Variants in ANKRD7 observed in about 807,000 individuals in gnomAD.
The protein encoded by ANKRD7 is ankyrin repeat domain 7.
ANKRD7 carries 30 observed loss-of-function variants against 30.8 expected under a neutral mutation model. The observed-to-expected ratio is 0.97, with a 90% CI of 0.73 to 1.32. The LOEUF is 1.32. ANKRD7 is among the 40% of genes most tolerant of loss of function. The pLI, the probability that ANKRD7 is intolerant of heterozygous loss-of-function variation, is 0.00. For missense variants in ANKRD7, 264 were observed against 295.7 expected (o/e 0.89, Z 0.79); for synonymous variants, 97 against 106.6 (o/e 0.91, Z 0.55).
chr7:118,234,119 T>C lies in ANKRD7; in HGVS notation c.180-312T>C, dbSNP rs563547038. ...TAAATATAATTTCTAAATTTTATGG[T>C]GATACCTAACTTTATTATCTTTTCC... On this transcript the variant is annotated intron_variant, in intron 1 of 6. Transcript: ENST00000265224. Among the ~76,000 whole-genome samples, 14 of 152,306 alleles carry C rather than the reference T, an allele frequency of 9.2e-5. 1 individual carries two copies. In the South Asian group the frequency reaches 2.7e-3, roughly 29 times the overall value.
At chr7:118,236,290 C>T (rs1268189607) in intron 4 of ANKRD7, 143 bp downstream of exon 4, 6 of 505,592 alleles carry the variant, frequency 1.2e-5, no homozygotes, top group Admixed American at 3.8e-5. Flanking sequence ...CCATAAGACC[C>T]GTAGGATGTA....
intron 3 of ANKRD7, 38 bp from the exon 4 acceptor site, chr7:118,236,003 G>T: frequency 8.8e-7 from 1 of 1,131,700 alleles, no homozygotes; most frequent in Non-Finnish European, 1.3e-6. Flanking sequence ...ATGAAAATTT[G>T]CTACAATATT....
In ANKRD7 at chr7:118,234,683, CT is replaced by C. The variant is rs779042455; in HGVS notation, c.295-17del. 145 of 1,596,808 alleles carry C rather than the reference CT, an allele frequency of 9.1e-5. No individual in the cohort carries two copies. The highest frequency in any genetic ancestry group is 1.2e-4 in the Non-Finnish European group (138 of 1,173,592). On this transcript the variant is annotated splice_polypyrimidine_tract_variant and intron_variant, in intron 2 of 6. Coordinates refer to ENST00000265224, the MANE Select transcript of ANKRD7 (RefSeq NM_019644.4). ...AAGTAGTAAATTGGTTACTCATCTA[CT>C]CTTGTTGCATTAACAGGCAGTACAG...
chr7:118,234,377 A>C (rs570232114), intron 1 of ANKRD7, 54 bp from the exon 2 acceptor site: 11 of 1,260,678 alleles, frequency 8.7e-6, no homozygotes, highest in Middle Eastern at 2.2e-4. Context: ...TAAAACAAGT[A>C]ACTTCTCAAA....
chr7:118,226,596 A>G lies in ANKRD7; in HGVS notation c.179+1587A>G, dbSNP rs183982030. ...ATTTACTGTTAAGTTGAAGTGGATC[A>G]TCATAAAGTTCTTCATCCTGTTTTC... is the stretch of plus-strand genomic sequence containing the variant. On this transcript the variant is annotated intron_variant, in intron 1 of 6. Coordinates refer to ENST00000265224, the MANE Select transcript of ANKRD7 (RefSeq NM_019644.4). 2.5e-3 allele frequency among the ~76,000 whole-genome samples: 388 copies of G among 152,342 alleles called. 2 individuals are homozygous for G. Among genetic ancestry groups the G allele is most frequent in the African/African-American group, 8.9e-3 (370 of 41,582 alleles).
Position 118,224,891 on chromosome 7 carries a change from C to A in ANKRD7, c.61C>A (p.Leu21Ile). ...KNETRSQGYN[L>I]REKDLKKLHR... Reference sequence around the variant, plus strand: ...TGAGACCCGCAGCCAGGGCTACAACCTTCGAGAAAAGGATTTAAAGAAACT... The same window carrying A: ...TGAGACCCGCAGCCAGGGCTACAACATTCGAGAAAAGGATTTAAAGAAACT... The change falls in exon 1 of 7, where the codon CTT becomes ATT. Residue 21 changes from leucine to isoleucine, a missense_variant. Physicochemically the swap from Leu to Ile is conservative, Grantham distance 5 (BLOSUM62 2). Coordinates refer to ENST00000265224, the MANE Select transcript of ANKRD7 (RefSeq NM_019644.4). 1 of 1,614,208 alleles carries A rather than the reference C, an allele frequency of 6.2e-7. No individual in the cohort carries two copies. Among genetic ancestry groups the A allele is most frequent in the South Asian group, 1.1e-5 (1 of 91,088 alleles).
At chr7:118,229,766 A>G (rs1364943417) in intron 1 of ANKRD7, among the ~76,000 whole-genome samples, 3 of 152,142 alleles carry the variant, frequency 2.0e-5, no homozygotes, top group Admixed American at 2.0e-4. Context: ...ATGAACATAG[A>G]CACAGAAATC....
chr7:118,239,441 CTCTAA>C (rs532295144), intron 5 of ANKRD7, among the ~76,000 whole-genome samples: 219 of 152,272 alleles, frequency 1.4e-3, no homozygotes, highest in Non-Finnish European at 1.9e-3. Context: ...GGTTGGGGAT[CTCTAA>C]TCTAAAGAAC....
chr7:118,234,344 G>A, intron 1 of ANKRD7, 87 bp from the exon 2 acceptor site: 2 of 737,214 alleles, frequency 2.7e-6, no homozygotes, highest in Middle Eastern at 3.4e-4. Context: ...CCTTACCAAT[G>A]TACAATCTGG....
At position 118,234,328 on chromosome 7, in the gene ANKRD7, C is replaced by G. The variant is rs529789790; in HGVS notation, c.180-103C>G. The G allele has an allele frequency of 1.6e-3, 953 of 594,056 alleles. 4 individuals carry two copies. The highest frequency in any genetic ancestry group is 2.6e-3 in the Non-Finnish European group (877 of 342,026). The allele number at this position is 594,056 out of a possible 1,614,324, so 36.8% of individuals were successfully genotyped here. On this transcript the variant is annotated intron_variant, in intron 1 of 6. Transcript: ENST00000265224. ...TTTAAATAGAAATATGTGCATGAAG[C>G]AAGTACCTTACCAATGTACAATCTG...
intron 1 of ANKRD7, 53 bp downstream of exon 1, chr7:118,225,062 C>G (rs1809518081): frequency 1.3e-6 from 2 of 1,591,330 alleles, no homozygotes; most frequent in Admixed American, 1.8e-5. Flanking sequence ...CTGGGTCGTT[C>G]AACCAGAAAT....
chr7:118,238,816 C>T (rs574647932), intron 5 of ANKRD7, among the ~76,000 whole-genome samples: 1 of 152,266 alleles, frequency 6.6e-6, no homozygotes, highest in African/African-American at 2.4e-5. Context: ...ATTGTCTTCA[C>T]TTTGTTAATT....
chr7:118,224,791 A>C lies in ANKRD7; in HGVS notation c.-40A>C, dbSNP rs1290054625. ...AGGGCGGACGGCTAGGAGTTCAAGAAACATCCTGGTCTGAGGGAAAGGCTG... is the reference window on the plus strand; with the variant it reads ...AGGGCGGACGGCTAGGAGTTCAAGACACATCCTGGTCTGAGGGAAAGGCTG... On this transcript the variant is annotated 5_prime_UTR_variant, in exon 1 of 7. Coordinates refer to ENST00000265224, the MANE Select transcript of ANKRD7 (RefSeq NM_019644.4). 2.5e-6 allele frequency: 4 copies of C among 1,581,516 alleles called. No homozygotes were observed. The highest frequency in any genetic ancestry group is 3.4e-6 in the Non-Finnish European group (4 of 1,167,114).
rs1809797642 is a variant in ANKRD7, at chr7:118,239,961, G to C, written c.765G>C (p.Ter255TyrextTer9). 2 of 1,592,028 alleles carry C rather than the reference G, an allele frequency of 1.3e-6. No homozygotes were observed. Among genetic ancestry groups the C allele is most frequent in the Non-Finnish European group, 8.6e-7 (1 of 1,166,544 alleles). Reference sequence around the variant, plus strand: ...ATGGAAAGAAGAAACATGCTAAATAGACACCTTATTCTTGGCACTACATGT... The same window carrying C: ...ATGGAAAGAAGAAACATGCTAAATACACACCTTATTCTTGGCACTACATGT... Reference protein sequence around the residue: ...ASHGKKKHAK* With the variant: ...ASHGKKKHAKY The change falls in exon 6 of 7, where the codon TAG becomes TAC. Residue 255 changes from the stop codon to tyrosine (Y), a stop_lost. Transcript: ENST00000265224.
At chr7:118,230,996 AG>A (rs1355850461) in intron 1 of ANKRD7, among the ~76,000 whole-genome samples, 1 of 152,066 alleles carries the variant, frequency 6.6e-6, no homozygotes, top group African/African-American at 2.4e-5. Context: ...AAAGAAAAAA[AG>A]GGACAGAGGA....
intron 1 of ANKRD7, among the ~76,000 whole-genome samples, chr7:118,232,516 A>G (rs904850322): frequency 6.6e-6 from 1 of 152,102 alleles, no homozygotes; most frequent in African/African-American, 2.4e-5. Flanking sequence ...GGAATCTTTC[A>G]TGGCTATTTT....
chr7:118,237,883 A>T (rs1030855607), intron 5 of ANKRD7, among the ~76,000 whole-genome samples: 1 of 152,148 alleles, frequency 6.6e-6, no homozygotes, highest in African/African-American at 2.4e-5. Context: ...TGAAATAAAC[A>T]TGTAAATTAT....
At chr7:118,228,039 C>T (rs1809575265) in intron 1 of ANKRD7, 2 of 1,297,122 alleles carry the variant, frequency 1.5e-6, no homozygotes, top group Non-Finnish European at 2.0e-6. Context: ...AGTTTTTAGT[C>T]TTACCTTGCT....
At position 118,240,344 on chromosome 7, in the gene ANKRD7, GAT is replaced by G. The variant is rs530816262; in HGVS notation, c.*37+349_*37+350del. On this transcript the variant is annotated intron_variant, in intron 6 of 6. Coordinates refer to ENST00000265224, the MANE Select transcript of ANKRD7 (RefSeq NM_019644.4). The stretch of plus-strand genomic sequence containing the variant: ...CACCTCACAACAGTCCCCAGAGTGT[GAT>G]ATTCCCCTTCCTGTGTCCATGTGAT... 2.8e-4 allele frequency among the ~76,000 whole-genome samples: 43 copies of G among 151,834 alleles called. 1 individual carries two copies. The South Asian group carries it at 4.8e-3, about 17-fold the overall frequency.
Sources: allele counts gnomAD v4.1 joint callset (sites outside exome capture counted in the v4.1 genomes callset), GRCh38; gene constraint gnomAD v4.1.1; transcripts MANE v1.5; gene names NCBI Gene and HGNC (gene_info 2026-07-23, HGNC 2026-07-21).